SLC26A7: variants seen among roughly 807,000 people sequenced by gnomAD.
The protein encoded by SLC26A7 is solute carrier family 26 member 7, also known as anion exchange transporter.
SLC26A7 carries 59 observed loss-of-function variants against 82.5 expected under a neutral mutation model. That is an observed-to-expected ratio of 0.72 (90% CI 0.58 to 0.89). The LOEUF is 0.89. Among genes scored for constraint, SLC26A7 ranks in the 40% least tolerant of loss-of-function variants. The pLI is 0.00. For synonymous variants in SLC26A7, 271 were observed against 274.3 expected (o/e 0.99, Z 0.12); for missense variants, 820 against 793.0 (o/e 1.03, Z -0.41).
intron 6 of SLC26A7, among the ~76,000 whole-genome samples, chr8:91,335,843 T>A (rs574633253): frequency 6.6e-6 from 1 of 152,240 alleles, no homozygotes; most frequent in African/African-American, 2.4e-5. Flanking sequence ...GAACAGAGAA[T>A]TTTCCTAGTC....
At chr8:91,356,744 T>A (rs1376738723) in intron 11 of SLC26A7, among the ~76,000 whole-genome samples, 1 of 152,208 alleles carries the variant, frequency 6.6e-6, no homozygotes, top group Non-Finnish European at 1.5e-5. Context: ...TTAGATCCCA[T>A]TTGTCAATTT....
intron 11 of SLC26A7, among the ~76,000 whole-genome samples, chr8:91,355,561 A>T (rs1410988639): frequency 1.3e-5 from 2 of 151,394 alleles, no homozygotes; most frequent in South Asian, 2.1e-4. Flanking sequence ...TTTTATTTTC[A>T]TTCATTTTCT....
intron 6 of SLC26A7, among the ~76,000 whole-genome samples, chr8:91,336,493 A>G (rs1479285486): frequency 6.6e-6 from 1 of 151,908 alleles, no homozygotes; most frequent in Non-Finnish European, 1.5e-5. Context: ...GAACAGCTTC[A>G]TCATCCCCAA....
chr8:91,362,188 G>T (rs1403410754), intron 11 of SLC26A7, among the ~76,000 whole-genome samples, 165 bp from the exon 12 acceptor site: 1 of 152,020 alleles, frequency 6.6e-6, no homozygotes, highest in Non-Finnish European at 1.5e-5. Flanking sequence ...AGCAGGATTT[G>T]TTTCTGTATT....
intron 4 of SLC26A7, among the ~76,000 whole-genome samples, chr8:91,309,463 T>C (rs1812415840): frequency 6.6e-6 from 1 of 151,486 alleles, no homozygotes; most frequent in South Asian, 2.1e-4. Flanking sequence ...TCACCATCCA[T>C]TTGTTTAAGT....
chr8:91,337,541 A>G (rs1250570990), intron 6 of SLC26A7, among the ~76,000 whole-genome samples: 1 of 152,162 alleles, frequency 6.6e-6, no homozygotes, highest in Admixed American at 6.6e-5. Context: ...CTTGCTTAGC[A>G]TATGTCAGTA....
At chr8:91,303,696 T>C (rs192715021) in intron 4 of SLC26A7, among the ~76,000 whole-genome samples, 20 of 152,314 alleles carry the variant, frequency 1.3e-4, no homozygotes, top group African/African-American at 4.3e-4. Flanking sequence ...GTAAGCTAAA[T>C]AGGAGATTCT....
chr8:91,281,970 A>G (rs1380914462), intron 2 of SLC26A7, among the ~76,000 whole-genome samples: 1 of 152,070 alleles, frequency 6.6e-6, no homozygotes, highest in Non-Finnish European at 1.5e-5. Flanking sequence ...CTTATTTTTT[A>G]GTCACACTTA....
Position 91,259,354 on chromosome 8 carries a change from G to A in SLC26A7, c.193+9510G>A, listed in dbSNP as rs142969803. ...ACATCATCACTACTTAACACCTGCT[G>A]TTTTATTCTGCTCAGCTCTAGAACA... On this transcript the variant is annotated intron_variant, in intron 2 of 18. Coordinates refer to ENST00000276609, the MANE Select transcript of SLC26A7 (RefSeq NM_052832.4). 4.8e-3 allele frequency among the ~76,000 whole-genome samples: 724 copies of A among 152,168 alleles called. 6 individuals are homozygous for A. The highest frequency in any genetic ancestry group is 0.017 in the African/African-American group (697 of 41,534).
At chr8:91,303,983 G>A (rs1812235784) in intron 4 of SLC26A7, among the ~76,000 whole-genome samples, 1 of 152,028 alleles carries the variant, frequency 6.6e-6, no homozygotes, top group Non-Finnish European at 1.5e-5. Flanking sequence ...TTTGTACCTG[G>A]CAAAGCTAAG....
intron 2 of SLC26A7, among the ~76,000 whole-genome samples, chr8:91,252,130 C>CT (rs1400176689): frequency 1.3e-5 from 2 of 151,954 alleles, no homozygotes; most frequent in South Asian, 2.1e-4. Flanking sequence ...GCTCAAGCAC[C>CT]TTTTTTTAGC....
chr8:91,234,822 TA>T (rs1563637478), intron 2 of SLC26A7, among the ~76,000 whole-genome samples: 82 of 131,670 alleles, frequency 6.2e-4, no homozygotes, highest in African/African-American at 1.8e-3. Flanking sequence ...CCTACCTACC[TA>T]CCTACTTCCT....
chr8:91,331,454 A>G (rs892434745), intron 5 of SLC26A7, among the ~76,000 whole-genome samples: 2 of 152,154 alleles, frequency 1.3e-5, no homozygotes, highest in Admixed American at 6.6e-5. Flanking sequence ...GCTGTTTTAA[A>G]CAATGTTTCA....
chr8:91,358,064 C>T (rs1376854395), intron 11 of SLC26A7, among the ~76,000 whole-genome samples: 1 of 152,200 alleles, frequency 6.6e-6, no homozygotes, highest in Non-Finnish European at 1.5e-5. Flanking sequence ...AATGAGATAT[C>T]ATCTCCCACC....
In SLC26A7 at chr8:91,395,423, T is replaced by C. The variant is rs1351906434; in HGVS notation, c.*326T>C. On this transcript the variant is annotated 3_prime_UTR_variant, in exon 19 of 19. Transcript: ENST00000276609. ...TTTCTATTGTGCTGTAAGTTGATGT[T>C]TAAAATTGAGAAATACTTTTGTCAT... 1 of 304,210 alleles carries C rather than the reference T, an allele frequency of 3.3e-6. No individual in the cohort carries two copies. Among genetic ancestry groups the C allele is most frequent in the East Asian group, 9.1e-5 (1 of 10,932 alleles). The allele number at this position is 304,210 out of a possible 1,614,324, so 18.8% of individuals were successfully genotyped here.
At chr8:91,318,771 G>A (rs1234307366) in intron 5 of SLC26A7, among the ~76,000 whole-genome samples, 1 of 152,156 alleles carries the variant, frequency 6.6e-6, no homozygotes, top group Non-Finnish European at 1.5e-5. Flanking sequence ...TTAAATCAGA[G>A]GCCTGGTTGA....
chr8:91,317,617 T>C (rs1812674361), intron 4 of SLC26A7, among the ~76,000 whole-genome samples: 1 of 152,208 alleles, frequency 6.6e-6, no homozygotes, highest in African/African-American at 2.4e-5. Flanking sequence ...AAGAGTATGT[T>C]CCCATTTCTC....
At chr8:91,378,275 A>G (rs1814571609) in intron 15 of SLC26A7, among the ~76,000 whole-genome samples, 2 of 151,014 alleles carry the variant, frequency 1.3e-5, no homozygotes, top group Admixed American at 6.6e-5. Flanking sequence ...ATATAAGGTC[A>G]TATGGTATAT....
At chr8:91,269,991 A>G (rs1799166975) in intron 2 of SLC26A7, among the ~76,000 whole-genome samples, 1 of 151,936 alleles carries the variant, frequency 6.6e-6, no homozygotes, top group Non-Finnish European at 1.5e-5. Flanking sequence ...TGTTTTATAA[A>G]TTTAATTTTT....
Sources: allele counts gnomAD v4.1 joint callset (sites outside exome capture counted in the v4.1 genomes callset), GRCh38; gene constraint gnomAD v4.1.1; transcripts MANE v1.5; gene names NCBI Gene and HGNC (gene_info 2026-07-23, HGNC 2026-07-21).